Variants in PALM2AKAP2 observed in about 807,000 individuals in gnomAD.
PALM2AKAP2 encodes the protein PALM2-AKAP2 fusion protein.
Under a neutral mutation model 71.5 loss-of-function variants are expected in PALM2AKAP2, and 37 were observed. The observed-to-expected ratio is 0.52, with a 90% confidence interval of 0.40 to 0.68. The LOEUF is 0.68. Ranked by LOEUF, PALM2AKAP2 falls within the 30% of genes least tolerant of loss-of-function variation. PALM2AKAP2 has a pLI of 0.00. For missense variants in PALM2AKAP2, 1,224 were observed against 1,191.8 expected, an observed-to-expected ratio of 1.03 and a Z score of -0.40; for synonymous variants, 468 against 478.8, an observed-to-expected ratio of 0.98 and a Z score of 0.29.
intron 3 of PALM2AKAP2, among the ~76,000 whole-genome samples, chr9:109,917,999 C>G (rs1217993224): frequency 6.6e-6 from 1 of 152,206 alleles, no homozygotes; most frequent in Non-Finnish European, 1.5e-5. Context: ...GAGAAGACCA[C>G]TCAGCGTCCC....
At chr9:109,886,317 C>A (rs1334265331) in intron 3 of PALM2AKAP2, among the ~76,000 whole-genome samples, 3 of 152,162 alleles carry the variant, frequency 2.0e-5, no homozygotes, top group Non-Finnish European at 4.4e-5. Flanking sequence ...TAGTTCGAGC[C>A]ACACTAGCCC....
intron 6 of PALM2AKAP2, among the ~76,000 whole-genome samples, chr9:109,947,888 C>G (rs180955951): frequency 1.3e-5 from 2 of 152,208 alleles, no homozygotes; most frequent in African/African-American, 4.8e-5. Flanking sequence ...CATAAATACA[C>G]GATCTTTCAG....
chr9:109,814,496 G>A (rs570210580), intron 1 of PALM2AKAP2, among the ~76,000 whole-genome samples: 24 of 152,288 alleles, frequency 1.6e-4, no homozygotes, highest in African/African-American at 5.5e-4. Flanking sequence ...CAGAGGAAGT[G>A]AGCCTCCTGT....
intron 3 of PALM2AKAP2, among the ~76,000 whole-genome samples, chr9:109,908,663 T>C (rs1319331002): frequency 6.6e-6 from 1 of 152,232 alleles, no homozygotes; most frequent in Non-Finnish European, 1.5e-5. Flanking sequence ...AATGAATGAC[T>C]CATTGAGATA....
At chr9:109,798,743 TCA>T (rs1477252496) in intron 1 of PALM2AKAP2, among the ~76,000 whole-genome samples, 2 of 152,262 alleles carry the variant, frequency 1.3e-5, no homozygotes, top group South Asian at 2.1e-4. Context: ...CCTCATATGT[TCA>T]CAGTTATTTA....
At chr9:110,123,726 A>T (rs2119018883) in intron 1 of PALM2AKAP2, among the ~76,000 whole-genome samples, 1 of 152,360 alleles carries the variant, frequency 6.6e-6, no homozygotes, top group Middle Eastern at 3.4e-3. Flanking sequence ...AATAGGGCAG[A>T]TTTAAAACCT....
In PALM2AKAP2 at chr9:109,961,512, GAAGA is replaced by G. The variant is rs869245716; in HGVS notation, c.496+29489_496+29492del. Among the ~76,000 whole-genome samples, 13 of 89,680 alleles carry G rather than the reference GAAGA, an allele frequency of 1.4e-4. No individual in the cohort carries two copies. In the Admixed American group the frequency reaches 1.6e-3, roughly 11 times the overall value. 58.8% of individuals were successfully genotyped at this position (89,680 alleles called of 152,430 possible). A position where few individuals can be genotyped will look rare whatever the true frequency, so the allele number is the denominator to read the frequency against. ...TGAATTGTTATTGAGTGGCCACTTAGAAGAAAGATTTCTCTGACTGGGGTGACCA... is the reference window on the plus strand; with the variant it reads ...TGAATTGTTATTGAGTGGCCACTTAGAAGATTTCTCTGACTGGGGTGACCA... On this transcript the variant is annotated intron_variant, in intron 6 of 9. Transcript: ENST00000302798.
intron 1 of PALM2AKAP2, among the ~76,000 whole-genome samples, chr9:109,740,736 C>T (rs949437761): frequency 1.8e-4 from 27 of 152,180 alleles, no homozygotes; most frequent in Non-Finnish European, 1.5e-5. Flanking sequence ...TCACTGCAAC[C>T]TCCGCCTGCC....
At chr9:110,099,620 T>C (rs145784636) in intron 1 of PALM2AKAP2, among the ~76,000 whole-genome samples, 150 of 152,256 alleles carry the variant, frequency 9.9e-4, no homozygotes, top group Non-Finnish European at 1.6e-3. Flanking sequence ...ATTTAATGAA[T>C]AGGTTGCCCC....
chr9:109,731,754 G>A (rs1828559080), intron 1 of PALM2AKAP2, among the ~76,000 whole-genome samples: 1 of 152,166 alleles, frequency 6.6e-6, no homozygotes, highest in Non-Finnish European at 1.5e-5. Flanking sequence ...AATAGAATAA[G>A]CATGTTATAC....
intron 3 of PALM2AKAP2, among the ~76,000 whole-genome samples, chr9:109,900,245 A>C (rs903978103): frequency 6.6e-6 from 1 of 152,242 alleles, no homozygotes; most frequent in African/African-American, 2.4e-5. Flanking sequence ...AGAAGTATAG[A>C]CAAGTACTGC....
intron 6 of PALM2AKAP2, among the ~76,000 whole-genome samples, chr9:110,006,609 C>T (rs1277427504): frequency 6.6e-6 from 1 of 151,968 alleles, no homozygotes; most frequent in East Asian, 1.9e-4. Flanking sequence ...GTAATCCTCC[C>T]ACCTCAGCCT....
At chr9:110,039,214 A>C (rs1444198075) in intron 7 of PALM2AKAP2, among the ~76,000 whole-genome samples, 1 of 152,192 alleles carries the variant, frequency 6.6e-6, no homozygotes. Flanking sequence ...ATGCTACTGC[A>C]CTCCAGCCAT....
chr9:109,758,043 A>G (rs10081703), intron 1 of PALM2AKAP2, among the ~76,000 whole-genome samples: 2,828 of 152,158 alleles, frequency 0.019, 87 homozygotes, highest in African/African-American at 0.064. Context: ...ATATCTTTCC[A>G]GGGATAGTCC....
chr9:109,924,990 T>TAAAGATGGGA lies in PALM2AKAP2; in HGVS notation c.373-60_373-51dup, dbSNP rs1830919678. ...ATGGGAGAAAGATGGGTTAAGTCTTTAAAGATGGGAAAAGATGGGATTGTA... is the reference window on the plus strand; with the variant it reads ...ATGGGAGAAAGATGGGTTAAGTCTTTAAAGATGGGAAAAGATGGGAAAAGATGGGATTGTA... On this transcript the variant is annotated intron_variant, in intron 4 of 9. Coordinates refer to the PALM2AKAP2 transcript ENST00000302798. 4 of 1,609,662 alleles carry TAAAGATGGGA rather than the reference T, an allele frequency of 2.5e-6. No homozygotes were observed. The Admixed American group carries it at 6.7e-5, about 27-fold the overall frequency.
chr9:109,834,873 A>T (rs1828412735), intron 1 of PALM2AKAP2, among the ~76,000 whole-genome samples: 1 of 152,198 alleles, frequency 6.6e-6, no homozygotes, highest in African/African-American at 2.4e-5. Flanking sequence ...AGCAGCATCC[A>T]GCTTCTCACC....
intron 1 of PALM2AKAP2, among the ~76,000 whole-genome samples, chr9:110,054,254 C>A (rs1190802204): frequency 1.3e-5 from 2 of 152,166 alleles, no homozygotes; most frequent in Admixed American, 1.3e-4. Flanking sequence ...ATAAAATTAG[C>A]CGGGTGTGGT....
intron 1 of PALM2AKAP2, among the ~76,000 whole-genome samples, chr9:109,649,029 G>A (rs953649814): frequency 1.4e-4 from 21 of 151,852 alleles, no homozygotes; most frequent in African/African-American, 4.6e-4. Flanking sequence ...TAGATGGCTT[G>A]CCTACTCCCA....
chr9:109,664,314 C>T (rs865946056), intron 1 of PALM2AKAP2, among the ~76,000 whole-genome samples: 14 of 152,154 alleles, frequency 9.2e-5, no homozygotes, highest in Admixed American at 2.0e-4. Flanking sequence ...CCTGTTTTTG[C>T]GGTGGCTGGT....
Sources: gnomAD v4.1 joint callset for allele counts (sites outside exome capture counted in the v4.1 genomes callset) on GRCh38, gnomAD v4.1.1 for gene constraint, MANE v1.5 for transcripts, NCBI Gene and HGNC (gene_info 2026-07-23, HGNC 2026-07-21) for gene names.